Variants in SDC3 observed in about 807,000 individuals in gnomAD.
SDC3 encodes the protein syndecan 3, also known as syndecan-3.
SDC3 carries 13 observed loss-of-function variants against 24.4 expected under a neutral mutation model. The observed-to-expected ratio is 0.53, with a 90% CI of 0.35 to 0.85. The LOEUF is 0.85. SDC3 is among the 40% of genes least tolerant of loss of function. The probability of loss-of-function intolerance (pLI) is 0.01; values close to 1 mark genes in which losing one functional copy is unlikely to be tolerated. For synonymous variants in SDC3, 295 were observed against 260.9 expected (o/e 1.13, Z -1.26); for missense variants, 571 against 584.5 (o/e 0.98, Z 0.24).
At chr1:30,896,655 G>A (rs1170626358) in intron 1 of SDC3, among the ~76,000 whole-genome samples, 1 of 152,216 alleles carries the variant, frequency 6.6e-6, no homozygotes, top group Non-Finnish European at 1.5e-5. Context: ...GCTCAGGAGG[G>A]CTGGTAGAAG....
chr1:30,873,439 C>G, intron 4 of SDC3, 62 bp from the exon 5 acceptor site: 2 of 1,327,138 alleles, frequency 1.5e-6, no homozygotes, highest in Non-Finnish European at 2.1e-6. Context: ...GCAAAGGGTC[C>G]TCAGGGGTGG....
chr1:30,869,495 TA>T lies in SDC3; in HGVS notation c.*3715del, dbSNP rs1639488757. 1 of 358,096 alleles carries T rather than the reference TA, an allele frequency of 2.8e-6. No homozygotes were observed. Among genetic ancestry groups the T allele is most frequent in the East Asian group, 3.7e-5 (1 of 27,326 alleles). The allele number at this position is 358,096 out of a possible 1,614,324, so 22.2% of individuals were successfully genotyped here. A position where few individuals can be genotyped will look rare whatever the true frequency, so the allele number is the denominator to read the frequency against. On this transcript the variant is annotated 3_prime_UTR_variant, in exon 5 of 5. Transcript: ENST00000339394. ...TTCAGCTTAATTTTATTTCCTCTTA[TA>T]AATGGGCACAGCACAGGAAGTGTTA...
chr1:30,906,909 G>C (rs1377132988), intron 1 of SDC3, among the ~76,000 whole-genome samples: 1 of 152,214 alleles, frequency 6.6e-6, no homozygotes, highest in African/African-American at 2.4e-5. Context: ...ACCCCACTTA[G>C]GGGAGAGCTG....
chr1:30,895,420 T>C (rs1015819195), intron 1 of SDC3, among the ~76,000 whole-genome samples: 13 of 152,188 alleles, frequency 8.5e-5, no homozygotes, highest in African/African-American at 3.1e-4. Context: ...CACATGAGAA[T>C]AGGATCCAGC....
At chr1:30,906,159 C>T (rs543285767) in intron 1 of SDC3, among the ~76,000 whole-genome samples, 1 of 152,282 alleles carries the variant, frequency 6.6e-6, no homozygotes, top group East Asian at 1.9e-4. Context: ...GTGCGGAACC[C>T]CGGCAACCAG....
intron 1 of SDC3, among the ~76,000 whole-genome samples, chr1:30,899,169 C>A (rs777045115): frequency 6.6e-6 from 1 of 152,226 alleles, no homozygotes; most frequent in Admixed American, 6.5e-5. Context: ...TCACTGCAAC[C>A]TCCACCTCCC....
At chr1:30,889,346 A>G (rs1328451540) in intron 1 of SDC3, among the ~76,000 whole-genome samples, 2 of 152,206 alleles carry the variant, frequency 1.3e-5, no homozygotes, top group Admixed American at 1.3e-4. Context: ...GAACAATGAT[A>G]TGGCCCAGAG....
At chr1:30,884,412 A>G (rs1189204761) in intron 1 of SDC3, among the ~76,000 whole-genome samples, 1 of 152,086 alleles carries the variant, frequency 6.6e-6, no homozygotes, top group Non-Finnish European at 1.5e-5. Context: ...AGGGCAGGAA[A>G]TGTTCCCTTT....
intron 3 of SDC3, among the ~76,000 whole-genome samples, chr1:30,875,332 G>A (rs1191085635): frequency 2.6e-5 from 4 of 152,196 alleles, no homozygotes; most frequent in Admixed American, 6.5e-5. Context: ...CAGCAACCTG[G>A]GCCCTGTGCA....
rs922498657 is a variant in SDC3, at chr1:30,872,426, C to G, written c.*785G>C. 1 of 152,278 alleles carries G rather than the reference C, an allele frequency of 6.6e-6. No homozygotes were observed. Among genetic ancestry groups the G allele is most frequent in the East Asian group, 1.9e-4 (1 of 5,202 alleles). The allele number at this position is 152,278 out of a possible 1,614,324, so 9.4% of individuals were successfully genotyped here. On this transcript the variant is annotated 3_prime_UTR_variant, in exon 5 of 5. Coordinates refer to ENST00000339394, the MANE Select transcript of SDC3 (RefSeq NM_014654.4). ...TTGATTGGCTGGGCGGTCAGGATTG[C>G]GTATGGTTTTGTCATTGCATGCTTT...
chr1:30,908,418 C>T (rs1332522566), intron 1 of SDC3, 31 bp downstream of exon 1: 46 of 1,013,238 alleles, frequency 4.5e-5, no homozygotes, highest in Non-Finnish European at 5.4e-5. Flanking sequence ...CCCGGGGAGC[C>T]GTGGCGGGGA....
Position 30,870,232 on chromosome 1 carries a change from A to C in SDC3, c.*2979T>G, listed in dbSNP as rs113384641. The C allele has an allele frequency of 7.6e-3, 1,921 of 254,062 alleles. 32 individuals are homozygous for C. The highest frequency in any genetic ancestry group is 0.039 in the African/African-American group (1,782 of 45,168). The allele number at this position is 254,062 out of a possible 1,614,324, so 15.7% of individuals were successfully genotyped here. On this transcript the variant is annotated 3_prime_UTR_variant, in exon 5 of 5. Transcript: ENST00000339394. ...CCCTGCCCAGCCCTGGTTGCCACCCACATGCCTCCAGCGATCAAGGGGACC... is the reference window on the plus strand; with the variant it reads ...CCCTGCCCAGCCCTGGTTGCCACCCCCATGCCTCCAGCGATCAAGGGGACC...
At chr1:30,902,964 A>C (rs565485873) in intron 1 of SDC3, among the ~76,000 whole-genome samples, 1 of 152,304 alleles carries the variant, frequency 6.6e-6, no homozygotes, top group East Asian at 1.9e-4. Context: ...ATTCCTTTGA[A>C]TCATTCACTC....
At chr1:30,897,410 C>T (rs902757233) in intron 1 of SDC3, among the ~76,000 whole-genome samples, 1 of 152,208 alleles carries the variant, frequency 6.6e-6, no homozygotes, top group African/African-American at 2.4e-5. Context: ...AGAGTATTTT[C>T]AAGGGCCCTT....
At position 30,871,577 on chromosome 1, in the gene SDC3, CA is replaced by C. The variant is rs376967949; in HGVS notation, c.*1633del. The C allele has an allele frequency of 5.4e-3, 824 of 152,508 alleles. 13 individuals are homozygous for C. In the East Asian group the frequency reaches 0.056, roughly 10 times the overall value. 9.4% of individuals were successfully genotyped at this position (152,508 alleles called of 1,614,324 possible). ...GAAGCTGCAGCCAGAATTGTTTGGCCAAATAGGTGAGGGGGTGTCCACAGGG... is the reference window on the plus strand; with the variant it reads ...GAAGCTGCAGCCAGAATTGTTTGGCCAATAGGTGAGGGGGTGTCCACAGGG... On this transcript the variant is annotated 3_prime_UTR_variant, in exon 5 of 5. Coordinates refer to ENST00000339394, the MANE Select transcript of SDC3 (RefSeq NM_014654.4).
chr1:30,879,319 A>G (rs1375152146), intron 1 of SDC3, among the ~76,000 whole-genome samples: 2 of 152,228 alleles, frequency 1.3e-5, no homozygotes, highest in Non-Finnish European at 1.5e-5. Flanking sequence ...CAAAATGCAC[A>G]CACACACATA....
At position 30,908,592 on chromosome 1, in the gene SDC3, CGGCGCG is replaced by C. The variant is rs1443587515; in HGVS notation, c.-12_-7del. 3 of 972,300 alleles carry C rather than the reference CGGCGCG, an allele frequency of 3.1e-6. No individual in the cohort carries two copies. The highest frequency in any genetic ancestry group is 3.6e-6 in the Non-Finnish European group (3 of 823,710). 60.2% of individuals were successfully genotyped at this position (972,300 alleles called of 1,614,324 possible). A position where few individuals can be genotyped will look rare whatever the true frequency, so the allele number is the denominator to read the frequency against. On this transcript the variant is annotated 5_prime_UTR_variant, in exon 1 of 5. Transcript: ENST00000339394. Reference sequence around the variant, plus strand: ...TGCGGCGGCCCCGGCTTCATGGCGGCGGCGCGGGCGCGGGCGGCGGGCGGCGGGCGG... The same window carrying C: ...TGCGGCGGCCCCGGCTTCATGGCGGCGGCGCGGGCGGCGGGCGGCGGGCGG...
chr1:30,891,361 G>C (rs953757714), intron 1 of SDC3, among the ~76,000 whole-genome samples: 1 of 152,232 alleles, frequency 6.6e-6, no homozygotes, highest in African/African-American at 2.4e-5. Flanking sequence ...GCTGGCAGCC[G>C]CCAAGCCCCT....
At chr1:30,900,072 T>TC (rs944426695) in intron 1 of SDC3, among the ~76,000 whole-genome samples, 2 of 152,152 alleles carry the variant, frequency 1.3e-5, no homozygotes, top group Non-Finnish European at 2.9e-5. Context: ...CCCTTTCTTT[T>TC]CCCCACGCTC....
Sources: allele counts gnomAD v4.1 joint callset (sites outside exome capture counted in the v4.1 genomes callset), GRCh38; gene constraint gnomAD v4.1.1; transcripts MANE v1.5; gene names NCBI Gene and HGNC (gene_info 2026-07-23, HGNC 2026-07-21).